The following VPS13A variants were observed in gnomAD, a reference collection of about 807,000 sequenced individuals.
The protein encoded by VPS13A is intermembrane lipid transfer protein VPS13A.
A neutral mutation model predicts 390.9 loss-of-function variants in VPS13A; 264 were observed. The observed-to-expected ratio is 0.68, with a 90% CI of 0.61 to 0.75. The LOEUF (loss-of-function observed/expected upper bound fraction) is 0.75, where lower values mean the gene tolerates loss of function less well. Among genes scored for constraint, VPS13A ranks in the 30% least tolerant of loss-of-function variants. The pLI, the probability that VPS13A is intolerant of heterozygous loss-of-function variation, is 0.00. For synonymous variants in VPS13A, 1,231 were observed against 1,227.1 expected (o/e 1.00, Z -0.07); for missense variants, 3,409 against 3,733.9 (o/e 0.91, Z 2.27).
At chr9:77,207,134 C>A (rs774842439) in intron 5 of VPS13A, among the ~76,000 whole-genome samples, 107 of 136,480 alleles carry the variant, frequency 7.8e-4, no homozygotes, top group Non-Finnish European at 1.3e-3. Flanking sequence ...AAAAAAAAAA[C>A]CAACTGTTCC....
Position 77,205,351 on chromosome 9 carries a change from A to C in VPS13A, c.226A>C (p.Thr76Pro), listed in dbSNP as rs1589993954. 4 of 1,519,378 alleles carry C rather than the reference A, an allele frequency of 2.6e-6. No individual in the cohort carries two copies. The highest frequency in any genetic ancestry group is 3.5e-6 in the Non-Finnish European group (4 of 1,129,314). The allele number at this position is 1,519,378 out of a possible 1,614,324, so 94.1% of individuals were successfully genotyped here. ...KLIIPWKNLY[T>P]QPVEAVLEEI... is the part of the protein sequence containing the mutation. ...TATAATTCCATGGAAAAACCTTTAT[A>C]CTCAACCTGTTGAAGCCGTATTGGA... is the stretch of plus-strand genomic sequence containing the variant. Residue 76 changes from threonine to proline, a missense_variant, in exon 4 of 72, where the codon ACT becomes CCT. Physicochemically the swap from Thr to Pro is conservative, Grantham distance 38. Coordinates refer to ENST00000360280, the MANE Select transcript of VPS13A (RefSeq NM_033305.3).
chr9:77,277,453 A>G (rs949481410), intron 26 of VPS13A, among the ~76,000 whole-genome samples: 5 of 152,178 alleles, frequency 3.3e-5, no homozygotes, highest in Non-Finnish European at 5.9e-5. Flanking sequence ...AGAGTCCACA[A>G]TTTACATTAA....
At chr9:77,328,213 G>A (rs1830110433) in intron 45 of VPS13A, among the ~76,000 whole-genome samples, 1 of 152,172 alleles carries the variant, frequency 6.6e-6, no homozygotes, top group Admixed American at 6.5e-5. Flanking sequence ...CATGGCCAAT[G>A]AGCAGTAGCA....
chr9:77,247,403 C>A lies in VPS13A; in HGVS notation c.2037+8C>A, dbSNP rs41289961. 5.6e-3 allele frequency: 8,909 copies of A among 1,601,272 alleles called. 28 individuals are homozygous for A. Among genetic ancestry groups the A allele is most frequent in the Non-Finnish European group, 6.6e-3 (7,714 of 1,174,308 alleles). On this transcript the variant is annotated splice_region_variant and intron_variant, in intron 20 of 71. Coordinates refer to ENST00000360280, the MANE Select transcript of VPS13A (RefSeq NM_033305.3). ...GACCTTGGTCATCTAAAGGTATATA[C>A]TAATAATATTTGATTTATGATACAG...
At chr9:77,200,452 G>A (rs1309769626) in intron 2 of VPS13A, among the ~76,000 whole-genome samples, 1 of 152,176 alleles carries the variant, frequency 6.6e-6, no homozygotes, top group Non-Finnish European at 1.5e-5. Flanking sequence ...TCGTGCTACT[G>A]CACTCCAGCC....
chr9:77,239,280 C>T (rs1277396292), intron 19 of VPS13A, among the ~76,000 whole-genome samples: 1 of 151,870 alleles, frequency 6.6e-6, no homozygotes, highest in Non-Finnish European at 1.5e-5. Flanking sequence ...AGTTTGAGAC[C>T]AGCCTGGCCA....
intron 23 of VPS13A, among the ~76,000 whole-genome samples, chr9:77,261,695 C>T (rs1053193924): frequency 2.6e-5 from 4 of 151,980 alleles, no homozygotes; most frequent in Admixed American, 2.6e-4. Flanking sequence ...AGCGGTTGTC[C>T]CATCTCAGCC....
intron 22 of VPS13A, among the ~76,000 whole-genome samples, chr9:77,259,807 G>T (rs530692862): frequency 1.3e-5 from 2 of 152,282 alleles, no homozygotes; most frequent in African/African-American, 4.8e-5. Flanking sequence ...TTTCCTCAGT[G>T]CCTGTCACAT....
rs1212539495 is a variant in VPS13A at position 77,331,846 on chromosome 9, GT to G, written c.5992-160del. Among the ~76,000 whole-genome samples the G allele has an allele frequency of 2.0e-5, 3 of 151,790 alleles. No individual in the cohort carries two copies. In the East Asian group the frequency reaches 5.8e-4, roughly 29 times the overall value. On this transcript the variant is annotated intron_variant, in intron 45 of 71. Coordinates refer to ENST00000360280, the MANE Select transcript of VPS13A (RefSeq NM_033305.3). ...AAAACTATAGAGATTTTTCTTGTAT[GT>G]TTTAGGATAAATAATATGTTTGTTT...
chr9:77,407,702 G>A, intron 71 of VPS13A, 95 bp downstream of exon 71: 2 of 977,382 alleles, frequency 2.0e-6, no homozygotes, highest in Non-Finnish European at 3.1e-6. Flanking sequence ...TTGTTTGGGG[G>A]TTTTTGTTTG....
intron 70 of VPS13A, among the ~76,000 whole-genome samples, chr9:77,407,086 C>T (rs1194154696): frequency 3.3e-5 from 5 of 152,166 alleles, no homozygotes; most frequent in Admixed American, 3.3e-4. Flanking sequence ...TACATGCACG[C>T]ACACATGCAC....
chr9:77,227,440 A>G lies in VPS13A; in HGVS notation c.1407A>G (p.Ala469=). ...AAGAAAAAGCTTTACTCTATGAAGCAATTGGCTATAGTGAAACAGCAGTTG... is the reference window on the plus strand; with the variant it reads ...AAGAAAAAGCTTTACTCTATGAAGCGATTGGCTATAGTGAAACAGCAGTTG... The part of the protein sequence containing the change: ...TPEEKALLYE[A]IGYSETAVDP... Residue 469 remains alanine, a synonymous_variant, in exon 16 of 72, where the codon GCA becomes GCG. Transcript: ENST00000360280. The G allele has an allele frequency of 6.2e-7, 1 of 1,613,720 alleles. No individual in the cohort carries two copies. Among genetic ancestry groups the G allele is most frequent in the Non-Finnish European group, 8.5e-7 (1 of 1,179,836 alleles).
At position 77,403,358 on chromosome 9, in the gene VPS13A, G is replaced by C. The variant is rs186601595; in HGVS notation, c.9275+37G>C. The C allele has an allele frequency of 4.0e-4, 617 of 1,524,992 alleles. 5 individuals carry two copies. In the Admixed American group the frequency reaches 0.01, roughly 25 times the overall value. The allele number at this position is 1,524,992 out of a possible 1,614,324, so 94.5% of individuals were successfully genotyped here. ...TCTTTCTCTTACGTAATTTTATAAG[G>C]GGTTAACTGACAGCGACTCATGAGG... On this transcript the variant is annotated intron_variant, in intron 69 of 71. Transcript: ENST00000360280.
intron 23 of VPS13A, 106 bp downstream of exon 23, chr9:77,260,330 G>A: frequency 1.1e-5 from 9 of 815,220 alleles, no homozygotes; most frequent in African/African-American, 1.9e-5. Context: ...AATTTGTTTT[G>A]AATAGACATT....
At chr9:77,217,099 A>G (rs957897529) in intron 10 of VPS13A, among the ~76,000 whole-genome samples, 2 of 152,206 alleles carry the variant, frequency 1.3e-5, no homozygotes, top group African/African-American at 4.8e-5. Flanking sequence ...GACAGTCAAT[A>G]TTAACCATTA....
At position 77,313,842 on chromosome 9, in the gene VPS13A, G is replaced by A. The variant is rs374333499; in HGVS notation, c.4115-150G>A. On this transcript the variant is annotated intron_variant, in intron 35 of 71. Coordinates refer to ENST00000360280, the MANE Select transcript of VPS13A (RefSeq NM_033305.3). The stretch of plus-strand genomic sequence containing the variant: ...AGAGTCCTAAGCCAGAAGTTACTGA[G>A]TTTTACATCTGAATTTTCTAATATT... The A allele has an allele frequency of 1.4e-5, 12 of 875,708 alleles. No homozygotes were observed. The Admixed American group carries it at 2.9e-4, about 21-fold the overall frequency. The allele number at this position is 875,708 out of a possible 1,614,324, so 54.2% of individuals were successfully genotyped here. A position where few individuals can be genotyped will look rare whatever the true frequency, so the allele number is the denominator to read the frequency against.
At chr9:77,180,269 G>A (rs1823927907) in intron 1 of VPS13A, among the ~76,000 whole-genome samples, 1 of 152,176 alleles carries the variant, frequency 6.6e-6, no homozygotes, top group South Asian at 2.1e-4. Context: ...CTGACTTTGT[G>A]TAACCTTTTG....
chr9:77,217,273 A>G (rs1013756471), intron 10 of VPS13A, among the ~76,000 whole-genome samples: 1 of 152,210 alleles, frequency 6.6e-6, no homozygotes, highest in African/African-American at 2.4e-5. Context: ...CCTCCTGAAT[A>G]AGAACCTCTG....
intron 52 of VPS13A, among the ~76,000 whole-genome samples, chr9:77,345,542 T>C (rs532667280): frequency 5.9e-4 from 90 of 152,270 alleles, no homozygotes; most frequent in African/African-American, 2.1e-3. Context: ...TTGAGCTGTC[T>C]TGGGGAAAGG....
Sources: allele counts gnomAD v4.1 joint callset (sites outside exome capture counted in the v4.1 genomes callset), GRCh38; gene constraint gnomAD v4.1.1; transcripts MANE v1.5; gene names NCBI Gene and HGNC (gene_info 2026-07-23, HGNC 2026-07-21).